The following HS6ST3 variants were observed in gnomAD, a reference collection of about 807,000 sequenced individuals.
HS6ST3 encodes heparan-sulfate 6-O-sulfotransferase 3.
HS6ST3 carries 12 observed loss-of-function variants against 36.7 expected under a neutral mutation model. The ratio of observed to expected loss-of-function variants is 0.33; its 90% CI spans 0.21 to 0.53. The LOEUF (loss-of-function observed/expected upper bound fraction) is 0.53, where lower values mean the gene tolerates loss of function less well. HS6ST3 is among the 20% of genes least tolerant of loss of function. The probability of loss-of-function intolerance (pLI) is 0.95; values close to 1 mark genes in which losing one functional copy is unlikely to be tolerated. For missense variants in HS6ST3, 584 were observed against 640.9 expected, an observed-to-expected ratio of 0.91 and a Z score of 0.96; for synonymous variants, 240 against 257.5, an observed-to-expected ratio of 0.93 and a Z score of 0.65.
At chr13:96,592,168 A>C (rs944910755) in intron 1 of HS6ST3, among the ~76,000 whole-genome samples, 1 of 152,070 alleles carries the variant, frequency 6.6e-6, no homozygotes, top group Non-Finnish European at 1.5e-5. Context: ...TCTTTCTTTA[A>C]TATGTCTTTG....
intron 1 of HS6ST3, among the ~76,000 whole-genome samples, chr13:96,699,785 C>T (rs1205780553): frequency 3.3e-5 from 5 of 152,190 alleles, no homozygotes; most frequent in Non-Finnish European, 4.4e-5. Context: ...TATAAAGACA[C>T]ATGCACACAT....
intron 1 of HS6ST3, among the ~76,000 whole-genome samples, chr13:96,253,404 C>T (rs2054616845): frequency 2.6e-5 from 4 of 152,134 alleles, no homozygotes; most frequent in Admixed American, 2.0e-4. Context: ...GGGGGCCTTT[C>T]GTACTTAGCT....
At chr13:96,618,724 T>C (rs1206601102) in intron 1 of HS6ST3, among the ~76,000 whole-genome samples, 3 of 152,150 alleles carry the variant, frequency 2.0e-5, no homozygotes, top group Admixed American at 2.0e-4. Context: ...TGGTATTGAG[T>C]CTATTCACTA....
intron 1 of HS6ST3, among the ~76,000 whole-genome samples, chr13:96,689,480 C>T (rs1480254636): frequency 2.0e-5 from 3 of 151,770 alleles, no homozygotes; most frequent in African/African-American, 4.8e-5. Flanking sequence ...AACTACATTG[C>T]CAGTGGAAAA....
At chr13:96,554,153 G>A (rs1283447607) in intron 1 of HS6ST3, among the ~76,000 whole-genome samples, 2 of 152,130 alleles carry the variant, frequency 1.3e-5, no homozygotes, top group Admixed American at 1.3e-4. Context: ...AAAGAAGAGA[G>A]GTCAGAACCT....
At chr13:96,328,749 C>A (rs11620207) in intron 1 of HS6ST3, among the ~76,000 whole-genome samples, 2,166 of 152,148 alleles carry the variant, frequency 0.014, 27 homozygotes, top group East Asian at 0.054. Flanking sequence ...TAGTTTCAGA[C>A]GGAATGGTAC....
intron 1 of HS6ST3, among the ~76,000 whole-genome samples, chr13:96,627,012 T>C (rs2056515050): frequency 6.6e-6 from 1 of 152,180 alleles, no homozygotes. Context: ...GTATTGTTTT[T>C]CCACTCTGGT....
At chr13:96,488,700 G>A (rs1428793142) in intron 1 of HS6ST3, among the ~76,000 whole-genome samples, 1 of 152,070 alleles carries the variant, frequency 6.6e-6, no homozygotes, top group Non-Finnish European at 1.5e-5. Context: ...CTTGTACATG[G>A]TGATTAATCA....
intron 1 of HS6ST3, among the ~76,000 whole-genome samples, chr13:96,485,486 A>C (rs2055909776): frequency 6.6e-6 from 1 of 152,152 alleles, no homozygotes; most frequent in Non-Finnish European, 1.5e-5. Context: ...ATTTTTGTTA[A>C]ATCTTTAGAA....
chr13:96,303,947 A>T (rs2054896012), intron 1 of HS6ST3, among the ~76,000 whole-genome samples: 1 of 152,124 alleles, frequency 6.6e-6, no homozygotes, highest in African/African-American at 2.4e-5. Context: ...GTTCGAGACC[A>T]GTCTGGCCAA....
At chr13:96,633,653 C>T (rs1239449201) in intron 1 of HS6ST3, among the ~76,000 whole-genome samples, 1 of 152,082 alleles carries the variant, frequency 6.6e-6, no homozygotes, top group Middle Eastern at 3.2e-3. Flanking sequence ...CCACCTGTTA[C>T]CCCAAATATA....
At chr13:96,327,789 A>G (rs1285859408) in intron 1 of HS6ST3, among the ~76,000 whole-genome samples, 3 of 151,834 alleles carry the variant, frequency 2.0e-5, no homozygotes, top group Non-Finnish European at 2.9e-5. Context: ...CATTTTCACG[A>G]TATTGATTCT....
chr13:96,455,609 C>G (rs775973589), intron 1 of HS6ST3, among the ~76,000 whole-genome samples: 1 of 152,054 alleles, frequency 6.6e-6, no homozygotes, highest in Non-Finnish European at 1.5e-5. Context: ...TCTCCAGCCA[C>G]TAATTGATAG....
intron 1 of HS6ST3, among the ~76,000 whole-genome samples, chr13:96,679,884 TA>T (rs2056712234): frequency 6.6e-6 from 1 of 152,108 alleles, no homozygotes; most frequent in Non-Finnish European, 1.5e-5. Flanking sequence ...GCCCCGGTCT[TA>T]AGAGCATTAT....
At chr13:96,116,516 G>A (rs148156277) in intron 1 of HS6ST3, among the ~76,000 whole-genome samples, 2 of 152,142 alleles carry the variant, frequency 1.3e-5, no homozygotes, top group East Asian at 1.9e-4. Context: ...TGCGTTTAAC[G>A]TGCAGTGAAA....
At chr13:96,758,568 GT>G (rs1282296293) in intron 1 of HS6ST3, among the ~76,000 whole-genome samples, 1 of 151,570 alleles carries the variant, frequency 6.6e-6, no homozygotes, top group African/African-American at 2.4e-5. Context: ...AAATTTTGAT[GT>G]TTTTATTATT....
intron 1 of HS6ST3, among the ~76,000 whole-genome samples, chr13:96,770,746 T>C (rs1457470848): frequency 2.6e-5 from 4 of 152,200 alleles, no homozygotes; most frequent in African/African-American, 7.2e-5. Flanking sequence ...CAAGCTTGAG[T>C]TGGAATCTAA....
chr13:96,197,452 CAT>C (rs1220986859), intron 1 of HS6ST3, among the ~76,000 whole-genome samples: 1 of 152,134 alleles, frequency 6.6e-6, no homozygotes, highest in Non-Finnish European at 1.5e-5. Flanking sequence ...ACAGCCAAAA[CAT>C]ATCATTCTGC....
At chr13:96,793,531 A>AC (rs564747551) in intron 1 of HS6ST3, among the ~76,000 whole-genome samples, 218 of 152,188 alleles carry the variant, frequency 1.4e-3, no homozygotes, top group African/African-American at 5.0e-3. Flanking sequence ...TGAAATACAA[A>AC]ACAGCCCAGC....
Sources: gnomAD v4.1 joint callset for allele counts (sites outside exome capture counted in the v4.1 genomes callset) on GRCh38, gnomAD v4.1.1 for gene constraint, MANE v1.5 for transcripts, NCBI Gene and HGNC (gene_info 2026-07-23, HGNC 2026-07-21) for gene names.